Variants in SLC5A11 observed in about 807,000 individuals in gnomAD.
SLC5A11 encodes sodium/myo-inositol cotransporter 2.
Under a neutral mutation model 69.8 loss-of-function variants are expected in SLC5A11, and 48 were observed. The observed-to-expected ratio is 0.69, with a 90% confidence interval of 0.55 to 0.87. SLC5A11 has a LOEUF of 0.87. Ranked by LOEUF, SLC5A11 falls within the 40% of genes least tolerant of loss-of-function variation. The probability of loss-of-function intolerance (pLI) is 0.00; values close to 1 mark genes in which losing one functional copy is unlikely to be tolerated. For missense variants in SLC5A11, 784 were observed against 866.1 expected (o/e 0.91, Z 1.19); for synonymous variants, 319 against 342.4 (o/e 0.93, Z 0.75).
intron 4 of SLC5A11, among the ~76,000 whole-genome samples, chr16:24,870,485 A>G (rs1390272861): frequency 1.3e-5 from 2 of 150,866 alleles, no homozygotes; most frequent in Non-Finnish European, 3.0e-5. Flanking sequence ...AACACAAAAA[A>G]AAAACAATAG....
chr16:24,875,759 C>G lies in SLC5A11; in HGVS notation c.477+28C>G, dbSNP rs746570569. ...AAGGCAGGGACACAGCCTGGCCTCA[C>G]CCATGCAGCATGGGGAGAAGATAAG... On this transcript the variant is annotated intron_variant, in intron 6 of 15. Coordinates refer to ENST00000347898, the Ensembl canonical transcript of SLC5A11. The G allele has an allele frequency of 2.6e-6, 4 of 1,568,482 alleles. No homozygotes were observed. The South Asian group carries it at 4.5e-5, about 18-fold the overall frequency.
rs143606846 is a variant in SLC5A11, at chr16:24,898,122, C to A, written c.1006+13C>A. 1.0e-4 allele frequency: 162 copies of A among 1,612,892 alleles called. No individual in the cohort carries two copies. In the Admixed American group the frequency reaches 2.7e-3, roughly 27 times the overall value. On this transcript the variant is annotated intron_variant, in intron 10 of 15. Transcript: ENST00000347898. Reference sequence around the variant, plus strand: ...ATCCTCTTCCCAGGTGAGAACACAGCTGGGGGAAGAGGTCATTGGTATGTG... The same window carrying A: ...ATCCTCTTCCCAGGTGAGAACACAGATGGGGGAAGAGGTCATTGGTATGTG...
chr16:24,889,791 G>T (rs539788103), intron 8 of SLC5A11, among the ~76,000 whole-genome samples: 1 of 151,554 alleles, frequency 6.6e-6, no homozygotes, highest in East Asian at 1.9e-4. Flanking sequence ...CAGGCGATTC[G>T]CCCACCTCGG....
exon 14 of SLC5A11, chr16:24,908,991 G>A: frequency 1.2e-6 from 2 of 1,614,064 alleles, no homozygotes; most frequent in South Asian, 2.2e-5. Flanking sequence ...GCCCGGTCCT[G>A]GTGAAGAGCA....
rs921084114 is a variant in SLC5A11, at chr16:24,858,514, C to T, written c.-24-106C>T. 62 of 964,974 alleles carry T rather than the reference C, an allele frequency of 6.4e-5. 1 individual carries two copies. The South Asian group carries it at 1.3e-3, about 20-fold the overall frequency. 59.8% of individuals were successfully genotyped at this position (964,974 alleles called of 1,614,324 possible). ...AAGATCTGTCTTCCACCACACATCC[C>T]TCCACATGGGTCCTCTTTCATGGAT... On this transcript the variant is annotated intron_variant, in intron 1 of 15. Transcript: ENST00000347898.
chr16:24,909,795 C>T (rs372220288), intron 14 of SLC5A11, among the ~76,000 whole-genome samples: 138 of 146,794 alleles, frequency 9.4e-4, no homozygotes, highest in African/African-American at 3.3e-3. Flanking sequence ...TGCCACTGCA[C>T]TCCCACCTGG....
intron 6 of SLC5A11, 22 bp from the exon 8 acceptor site, chr16:24,877,236 C>T (rs764630992): frequency 6.2e-7 from 1 of 1,610,838 alleles, no homozygotes; most frequent in Non-Finnish European, 8.5e-7. Flanking sequence ...TTTGTTCATC[C>T]ATCAACCTCC....
intron 7 of SLC5A11, among the ~76,000 whole-genome samples, chr16:24,882,708 C>T (rs1315545239): frequency 4.6e-5 from 7 of 152,184 alleles, no homozygotes; most frequent in Non-Finnish European, 1.0e-4. Flanking sequence ...TGCAGTGGCA[C>T]GATCTTGGCT....
In SLC5A11 at chr16:24,911,148, G is replaced by A. The variant is rs565728993; in HGVS notation, c.1823-180G>A. Among the ~76,000 whole-genome samples the A allele has an allele frequency of 5.2e-4, 69 of 132,294 alleles. 1 individual carries two copies. The highest frequency in any genetic ancestry group is 9.8e-3 in the Middle Eastern group (2 of 204). 86.8% of individuals were successfully genotyped at this position (132,294 alleles called of 152,430 possible). A position where few individuals can be genotyped will look rare whatever the true frequency, so the allele number is the denominator to read the frequency against. ...CACGCCACTGCACTCCAGCCTGGAC[G>A]ACAGAGTGAGACTCTCTCAAAAAAA... is the stretch of plus-strand genomic sequence containing the variant. On this transcript the variant is annotated intron_variant, in intron 15 of 15. Transcript: ENST00000347898.
chr16:24,882,885 A>C (rs1367902595), intron 7 of SLC5A11, among the ~76,000 whole-genome samples: 3 of 152,172 alleles, frequency 2.0e-5, no homozygotes, highest in African/African-American at 7.2e-5. Context: ...ACCTCAGGTG[A>C]TCTGTCTGCC....
chr16:24,889,420 T>C (rs1294327592), intron 8 of SLC5A11, among the ~76,000 whole-genome samples: 1 of 152,020 alleles, frequency 6.6e-6, no homozygotes, highest in Non-Finnish European at 1.5e-5. Context: ...AGTTCAAGGT[T>C]ACAGTGAGCT....
chr16:24,882,105 G>C (rs1452901292), intron 7 of SLC5A11, among the ~76,000 whole-genome samples: 1 of 152,148 alleles, frequency 6.6e-6, no homozygotes, highest in East Asian at 1.9e-4. Flanking sequence ...TCCTTGTTTG[G>C]AGGTCTGTGT....
chr16:24,906,801 G>A (rs1015058731), intron 11 of SLC5A11, 37 bp downstream of exon 12: 1 of 1,564,740 alleles, frequency 6.4e-7, no homozygotes, highest in Admixed American at 1.7e-5. Flanking sequence ...GTCCCCTGGA[G>A]CACCCAGAAA....
At chr16:24,846,194 G>A (rs1224460038) in exon 1 of SLC5A11, 1 of 152,520 alleles carries the variant, frequency 6.6e-6, no homozygotes, top group Non-Finnish European at 1.5e-5. Flanking sequence ...CTTCTGCCCT[G>A]GGGAGATCAT....
At chr16:24,894,349 A>C (rs2049007143) in intron 9 of SLC5A11, among the ~76,000 whole-genome samples, 1 of 152,116 alleles carries the variant, frequency 6.6e-6, no homozygotes, top group East Asian at 1.9e-4. Context: ...TTTATACATG[A>C]TTAATGTGGA....
intron 9 of SLC5A11, among the ~76,000 whole-genome samples, chr16:24,895,132 A>G (rs541358820): frequency 1.3e-5 from 2 of 151,668 alleles, no homozygotes; most frequent in East Asian, 4.1e-4. Context: ...CTCAGAAAAA[A>G]AGAAAGAAAG....
At chr16:24,907,928 T>G (rs201754529) in intron 12 of SLC5A11, 35 bp from the exon 14 acceptor site, 1 of 1,363,698 alleles carries the variant, frequency 7.3e-7, no homozygotes, top group Non-Finnish European at 1.0e-6. Flanking sequence ...AATGTTCAGA[T>G]GATGCTAATT....
At chr16:24,868,083 G>A (rs1375637820) in intron 3 of SLC5A11, among the ~76,000 whole-genome samples, 3 of 151,050 alleles carry the variant, frequency 2.0e-5, no homozygotes, top group African/African-American at 4.9e-5. Flanking sequence ...TTTGCAGTGA[G>A]CTGAGATGGC....
At chr16:24,906,047 A>G (rs1003542040) in intron 10 of SLC5A11, among the ~76,000 whole-genome samples, 8 of 152,198 alleles carry the variant, frequency 5.3e-5, no homozygotes, top group African/African-American at 1.9e-4. Context: ...GAATCTACGT[A>G]TAGGAAATGA....
Sources: gnomAD v4.1 joint callset for allele counts (sites outside exome capture counted in the v4.1 genomes callset) on GRCh38, gnomAD v4.1.1 for gene constraint, MANE v1.5 for transcripts, NCBI Gene and HGNC (gene_info 2026-07-23, HGNC 2026-07-21) for gene names.